The following ZIC4 variants were observed in gnomAD, a reference collection of about 807,000 sequenced individuals.
ZIC4 encodes the protein zinc finger protein ZIC 4.
A neutral mutation model predicts 28.8 loss-of-function variants in ZIC4; 15 were observed. The ratio of observed to expected loss-of-function variants is 0.52; its 90% CI spans 0.35 to 0.80. The LOEUF (loss-of-function observed/expected upper bound fraction) is 0.80. ZIC4 is among the 30% of genes least tolerant of loss of function. ZIC4 has a pLI of 0.01. For synonymous variants in ZIC4, 220 were observed against 198.1 expected (o/e 1.11, Z -0.93); for missense variants, 512 against 467.1 (o/e 1.10, Z -0.89).
Position 147,391,091 on chromosome 3 carries a change from G to T in ZIC4, c.844C>A (p.Arg282Ser). Residue 282 changes from arginine (R) to serine (S), a missense_variant, in exon 4 of 5, where the codon CGT becomes AGT. Transcript: ENST00000383075. Reference sequence around the variant, plus strand: ...CGCCCGTGCACCTTCATGTGCTTACGCAGCGAGCTGGGGTGCGTGTAGCAC... The same window carrying T: ...CGCCCGTGCACCTTCATGTGCTTACTCAGCGAGCTGGGGTGCGTGTAGCAC... Reference protein sequence around the residue: ...DKCYTHPSSLRKHMKVHGRSP... With the variant: ...DKCYTHPSSLSKHMKVHGRSP... The T allele has an allele frequency of 1.9e-6, 3 of 1,614,136 alleles. No homozygotes were observed. The highest frequency in any genetic ancestry group is 2.5e-6 in the Non-Finnish European group (3 of 1,180,046).
In ZIC4 at chr3:147,396,925, A is replaced by G. The variant is rs1239180909; in HGVS notation, c.71-456T>C. 2 of 154,984 alleles carry G rather than the reference A, an allele frequency of 1.3e-5. No homozygotes were observed. Among genetic ancestry groups the G allele is most frequent in the Admixed American group, 6.5e-5 (1 of 15,384 alleles). The allele number at this position is 154,984 out of a possible 1,614,324, so 9.6% of individuals were successfully genotyped here. A position where few individuals can be genotyped will look rare whatever the true frequency, so the allele number is the denominator to read the frequency against. On this transcript the variant is annotated intron_variant, in intron 2 of 4. Transcript: ENST00000383075. The surrounding 1 kb of genome is among the most constrained non-coding windows in gnomAD (Gnocchi z 4.2). ...GTGGTGGTTCTGAAGCGCCCCAGCC[A>G]TATATATTTTCAGTGCCCCGCTTGG...
At position 147,387,290 on chromosome 3, in the gene ZIC4, T is replaced by C. The variant is rs745866788; in HGVS notation, c.*1569A>G. 9.2e-5 allele frequency: 14 copies of C among 152,642 alleles called. No individual in the cohort carries two copies. Among genetic ancestry groups the C allele is most frequent in the Non-Finnish European group, 1.9e-4 (13 of 68,040 alleles). 9.5% of individuals were successfully genotyped at this position (152,642 alleles called of 1,614,324 possible). On this transcript the variant is annotated 3_prime_UTR_variant, in exon 5 of 5. Coordinates refer to ENST00000383075, the MANE Select transcript of ZIC4 (RefSeq NM_032153.6). ...TTGATGCAGTGTGTGGATATTGTTT[T>C]AAAAGAAGTTTGATTTTTATCTCTT...
intron 2 of ZIC4, among the ~76,000 whole-genome samples, chr3:147,397,811 T>A (rs2087081420): frequency 6.6e-6 from 1 of 152,188 alleles, no homozygotes; most frequent in Non-Finnish European, 1.5e-5. Context: ...TTCTCCGAAA[T>A]GTCTCGTTTC....
chr3:147,396,174 C>G lies in ZIC4; in HGVS notation c.366G>C (p.Gln122His). The G allele has an allele frequency of 6.2e-7, 1 of 1,614,138 alleles. No homozygotes were observed. The highest frequency in any genetic ancestry group is 8.5e-7 in the Non-Finnish European group (1 of 1,180,018). ...GPGAFFRYMR[Q>H]PIKQELICKW... The stretch of plus-strand genomic sequence containing the variant: ...TGCAGATGAGCTCCTGTTTGATGGG[C>G]TGGCGCATGTAGCGGAAGAAAGCGC... Residue 122 changes from glutamine (Q) to histidine (H), a missense_variant, in exon 3 of 5, where the codon CAG becomes CAC. Physicochemically the swap from Gln to His is conservative, Grantham distance 24. Transcript: ENST00000383075. This position sits in a 1 kb window ranked among gnomAD's most constrained non-coding sequence, Gnocchi z 4.2.
Position 147,391,107 on chromosome 3 carries a change from C to A in ZIC4, c.828G>T (p.Thr276=), listed in dbSNP as rs779123293. 6 of 1,614,148 alleles carry A rather than the reference C, an allele frequency of 3.7e-6. No individual in the cohort carries two copies. The African/African-American group carries it at 6.7e-5, about 18-fold the overall frequency. The change falls in exon 4 of 5, where the codon ACG becomes ACT. Residue 276 remains threonine, a synonymous_variant. Transcript: ENST00000383075. The part of the protein sequence containing the change: ...CKVRGCDKCY[T]HPSSLRKHMK... ...TGTGCTTACGCAGCGAGCTGGGGTG[C>A]GTGTAGCACTTGTCGCAGCCCCGCA...
chr3:147,391,251 C>T lies in ZIC4; in HGVS notation c.689-5G>A, dbSNP rs371993443. ...CGCATCTGAAGGGCTTCTCGCCTGG[C>T]GGAGGCAACGCAGAGACATTAGTGC... On this transcript the variant is annotated splice_region_variant and splice_polypyrimidine_tract_variant and intron_variant, in intron 3 of 4. Transcript: ENST00000383075. The T allele has an allele frequency of 6.4e-6, 10 of 1,572,556 alleles. No homozygotes were observed. The highest frequency in any genetic ancestry group is 2.3e-5 in the East Asian group (1 of 44,166).
intron 3 of ZIC4, chr3:147,391,712 G>A (rs550363526): frequency 2.3e-4 from 36 of 153,204 alleles, no homozygotes; most frequent in Non-Finnish European, 4.2e-4. Context: ...CCGCCCAGCC[G>A]TTCATCCCCC....
At position 147,396,036 on chromosome 3, in the gene ZIC4, C is replaced by T. The variant is rs767874194; in HGVS notation, c.504G>A (p.Gln168=). The T allele has an allele frequency of 1.2e-6, 2 of 1,614,266 alleles. No homozygotes were observed. The highest frequency in any genetic ancestry group is 8.5e-7 in the Non-Finnish European group (1 of 1,180,052). Residue 168 remains glutamine (Q), a synonymous_variant, in exon 3 of 5, where the codon CAG becomes CAA. Transcript: ENST00000383075. The surrounding 1 kb of genome is among the most constrained non-coding windows in gnomAD (Gnocchi z 4.2). ...CCTCCCAGAAGCAAATGTGGTTGGC[C>T]TGTTCCGGGCCGCCGACGTGCTCCA... ...VTVEHVGGPE[Q]ANHICFWEEC...
intron 1 of ZIC4, chr3:147,405,324 T>A (rs932109221): frequency 6.8e-7 from 1 of 1,480,268 alleles, no homozygotes; most frequent in Admixed American, 2.1e-5. Context: ...CATGCAGTGG[T>A]GTGGGTCGCT....
chr3:147,403,824 A>C, intron 1 of ZIC4: 1 of 884,618 alleles, frequency 1.1e-6, no homozygotes, highest in Admixed American at 3.0e-5. Context: ...AACGGTATCC[A>C]GTTCTCTATG....
At position 147,387,054 on chromosome 3, in the gene ZIC4, T is replaced by C. The variant is rs191415843; in HGVS notation, c.*1805A>G. ...TGTGACCCAACTTGGGCTGATTGAA[T>C]GCAAACCAGAGCAGAAAGAAGCAGA... On this transcript the variant is annotated 3_prime_UTR_variant, in exon 5 of 5. Transcript: ENST00000383075. 1.1e-4 allele frequency: 16 copies of C among 152,302 alleles called. No homozygotes were observed. The East Asian group carries it at 2.5e-3, about 24-fold the overall frequency. The allele number at this position is 152,302 out of a possible 1,614,324, so 9.4% of individuals were successfully genotyped here. A position where few individuals can be genotyped will look rare whatever the true frequency, so the allele number is the denominator to read the frequency against.
chr3:147,404,278 A>G (rs2087228600), intron 1 of ZIC4: 2 of 1,424,888 alleles, frequency 1.4e-6, no homozygotes, highest in Non-Finnish European at 1.8e-6. Flanking sequence ...GGTCTGGATC[A>G]CTTCTCTCCC....
At chr3:147,395,461 A>G (rs936421747) in intron 3 of ZIC4, among the ~76,000 whole-genome samples, 1 of 152,210 alleles carries the variant, frequency 6.6e-6, no homozygotes, top group African/African-American at 2.4e-5. Flanking sequence ...CTACAGGTGG[A>G]AGAGTTCTGC....
chr3:147,396,359 C>A lies in ZIC4; in HGVS notation c.181G>T (p.Gly61Ter). Residue 61 changes from glycine (G) to a stop codon, truncating the protein, a stop_gained, in exon 3 of 5, where the codon GGA becomes TGA. Coordinates refer to ENST00000383075, the MANE Select transcript of ZIC4 (RefSeq NM_032153.6). LOFTEE classifies it high-confidence loss of function. The surrounding 1 kb of genome is among the most constrained non-coding windows in gnomAD (Gnocchi z 4.2). ...CCAGGGAGCCCCAGACGCAGGAGTC[C>A]ATTCAAAGGACGGCTGGGGGAGGCC... ...PQASPSRPLNGLLRLGLPGDM... is the reference protein window; with the variant it reads ...PQASPSRPLN The A allele has an allele frequency of 6.4e-7, 1 of 1,553,908 alleles. No homozygotes were observed. The highest frequency in any genetic ancestry group is 8.7e-7 in the Non-Finnish European group (1 of 1,153,442).
intron 3 of ZIC4, 23 bp downstream of exon 3, chr3:147,395,829 G>T (rs1265081653): frequency 1.3e-6 from 2 of 1,591,600 alleles, no homozygotes; most frequent in South Asian, 1.1e-5. Flanking sequence ...GTCCGCACGC[G>T]ACAGACAGCG....
Position 147,391,221 on chromosome 3 carries a change from G to A in ZIC4, c.714C>T (p.Phe238=). The change falls in exon 4 of 5, where the codon TTC becomes TTT. Residue 238 remains phenylalanine (F), a synonymous_variant. Transcript: ENST00000383075. ...TGGCGAAGCGCCGCTCGCAGCCCTC[G>A]AACTCGCATCTGAAGGGCTTCTCGC... ...HTGEKPFRCE[F]EGCERRFANS... 6.2e-7 allele frequency: 1 copy of A among 1,601,180 alleles called. No individual in the cohort carries two copies. Among genetic ancestry groups the A allele is most frequent in the South Asian group, 1.1e-5 (1 of 89,926 alleles).
chr3:147,390,607 G>A (rs1282919500), intron 4 of ZIC4, among the ~76,000 whole-genome samples: 2 of 152,172 alleles, frequency 1.3e-5, no homozygotes, highest in East Asian at 1.9e-4. Flanking sequence ...GAAGGCGCGT[G>A]TGGGGGTGAT....
Position 147,396,328 on chromosome 3 carries a change from A to T in ZIC4, c.212T>A (p.Met71Lys), listed in dbSNP as rs760323486. 2.5e-6 allele frequency: 4 copies of T among 1,591,274 alleles called. No individual in the cohort carries two copies. The highest frequency in any genetic ancestry group is 3.4e-6 in the Non-Finnish European group (4 of 1,169,652). ...CGGGAAGGGCTCCGGCCGCGCGTAC[A>T]TGTCTCCAGGGAGCCCCAGACGCAG... ...GLLRLGLPGD[M>K]YARPEPFPPG... is the part of the protein sequence containing the mutation. Residue 71 changes from methionine to lysine, a missense_variant, in exon 3 of 5, where the codon ATG (methionine) becomes AAG (lysine). Physicochemically the swap from Met to Lys is moderately conservative, Grantham distance 95. This residue lies in a region of ZIC4 where 310 missense variants were observed against 256.5 expected (regional missense o/e 1.21). Coordinates refer to ENST00000383075, the MANE Select transcript of ZIC4 (RefSeq NM_032153.6). This position sits in a 1 kb window ranked among gnomAD's most constrained non-coding sequence, Gnocchi z 4.2.
intron 3 of ZIC4, chr3:147,393,684 C>A (rs1176815800): frequency 7.0e-6 from 2 of 287,314 alleles, no homozygotes; most frequent in African/African-American, 4.6e-5. Context: ...CCGGCGACTG[C>A]GCCCCGGCGC....
Sources: allele counts gnomAD v4.1 joint callset (sites outside exome capture counted in the v4.1 genomes callset), GRCh38; gene constraint gnomAD v4.1.1; regional missense constraint gnomAD v4.1.1; non-coding constraint Gnocchi (gnomAD v3.1); transcripts MANE v1.5; gene names NCBI Gene and HGNC (gene_info 2026-07-23, HGNC 2026-07-21).